SNRNP27: variants seen among roughly 807,000 people sequenced by gnomAD.
The protein encoded by SNRNP27 is small nuclear ribonucleoprotein U4/U6.U5 subunit 27, also known as U4/U6.U5 small nuclear ribonucleoprotein 27 kDa protein.
In SNRNP27, 22 loss-of-function variants were observed where a neutral mutation model predicts 25.1. The ratio of observed to expected loss-of-function variants is 0.88; its 90% confidence interval spans 0.63 to 1.25. The LOEUF (loss-of-function observed/expected upper bound fraction) is 1.25, where lower values mean the gene tolerates loss of function less well. SNRNP27 is among the 50% of genes most tolerant of loss of function. The probability of loss-of-function intolerance (pLI) is 0.00; values close to 1 mark genes in which losing one functional copy is unlikely to be tolerated. For synonymous variants in SNRNP27, 66 were observed against 64.9 expected (o/e 1.02, Z -0.08); for missense variants, 150 against 202.3 (o/e 0.74, Z 1.57).
intron 4 of SNRNP27, among the ~76,000 whole-genome samples, chr2:69,902,938 CTTTT>C (rs761833954): frequency 2.2e-5 from 2 of 92,410 alleles, no homozygotes; most frequent in Non-Finnish European, 3.9e-5. Context: ...TCTTCTTCTT[CTTTT>C]TTTTTTTTTT....
intron 5 of SNRNP27, 55 bp downstream of exon 5, chr2:69,903,300 A>G: frequency 8.2e-7 from 1 of 1,222,666 alleles, no homozygotes; most frequent in South Asian, 1.2e-5. Context: ...TTTTACTTCA[A>G]ACTTTATTAT....
intron 5 of SNRNP27, among the ~76,000 whole-genome samples, chr2:69,904,041 G>A (rs1280215047): frequency 6.6e-6 from 1 of 151,624 alleles, no homozygotes; most frequent in African/African-American, 2.4e-5. Flanking sequence ...CTTCAATACT[G>A]CTATCTGGAG....
intron 1 of SNRNP27, 23 bp from the exon 2 acceptor site, chr2:69,895,071 C>A: frequency 6.2e-7 from 1 of 1,611,216 alleles, no homozygotes; most frequent in Non-Finnish European, 8.5e-7. Flanking sequence ...ATCAGTTCTG[C>A]AATTTGTGTG....
intron 3 of SNRNP27, among the ~76,000 whole-genome samples, 165 bp downstream of exon 3, chr2:69,896,713 C>T (rs1676609287): frequency 6.7e-6 from 1 of 149,354 alleles, no homozygotes; most frequent in Non-Finnish European, 1.5e-5. Flanking sequence ...ATTCTTGTCA[C>T]TCAGACTGGA....
At chr2:69,895,015 A>G in intron 1 of SNRNP27, 79 bp from the exon 2 acceptor site, 2 of 1,577,000 alleles carry the variant, frequency 1.3e-6, no homozygotes, top group Non-Finnish European at 1.7e-6. Context: ...AATGGTTTGC[A>G]TTATTTTTCT....
intron 4 of SNRNP27, among the ~76,000 whole-genome samples, chr2:69,902,345 C>T (rs1039861471): frequency 2.0e-5 from 3 of 151,820 alleles, no homozygotes; most frequent in African/African-American, 7.3e-5. Flanking sequence ...GCTGCTGCTG[C>T]TGCTCTTGCT....
At chr2:69,899,336 G>C (rs147499531) in intron 4 of SNRNP27, among the ~76,000 whole-genome samples, 17 of 152,214 alleles carry the variant, frequency 1.1e-4, no homozygotes, top group African/African-American at 3.9e-4. Flanking sequence ...TTTCATCATT[G>C]ATCTATTGTG....
At position 69,903,167 on chromosome 2, in the gene SNRNP27, T is replaced by TA; in HGVS notation, c.349-14_349-13insA. The stretch of plus-strand genomic sequence containing the variant: ...TTCCTGTTTTTTGTCTGTTTGTTTA[T>TA]TGTTTTTCTTCAGGGTAAGAAGGTG... On this transcript the variant is annotated splice_polypyrimidine_tract_variant and intron_variant, in intron 4 of 5. Coordinates refer to ENST00000244227, the MANE Select transcript of SNRNP27 (RefSeq NM_006857.3). 6.2e-7 allele frequency: 1 copy of TA among 1,605,764 alleles called. No individual in the cohort carries two copies. Among genetic ancestry groups the TA allele is most frequent in the Non-Finnish European group, 8.5e-7 (1 of 1,172,452 alleles).
In SNRNP27 at chr2:69,894,019, G is replaced by A; in HGVS notation, c.34+1G>A. The A allele has an allele frequency of 6.2e-7, 1 of 1,613,748 alleles. No individual in the cohort carries two copies. Among genetic ancestry groups the A allele is most frequent in the Non-Finnish European group, 8.5e-7 (1 of 1,179,680 alleles). ...AGTCGCAGCCGCTCTCCACGGAGGG[G>A]TGAGTCCTGTAGCAATTCGGAGGAT... is the stretch of plus-strand genomic sequence containing the variant. On this transcript the variant is annotated splice_donor_variant, in intron 1 of 5. Transcript: ENST00000244227. LOFTEE classifies it high-confidence loss of function.
intron 2 of SNRNP27, 128 bp downstream of exon 2, chr2:69,895,342 C>A: frequency 8.7e-7 from 1 of 1,155,768 alleles, no homozygotes; most frequent in Non-Finnish European, 1.2e-6. Context: ...GAAACTTAAT[C>A]CAACCTTATT....
chr2:69,896,826 A>G (rs538433241), intron 3 of SNRNP27, among the ~76,000 whole-genome samples: 2 of 151,990 alleles, frequency 1.3e-5, no homozygotes, highest in Non-Finnish European at 2.9e-5. Context: ...GGCACCCGCC[A>G]CTATGCCCGG....
chr2:69,902,708 CTT>C (rs772539462), intron 4 of SNRNP27, among the ~76,000 whole-genome samples: 3 of 152,070 alleles, frequency 2.0e-5, no homozygotes, highest in African/African-American at 7.2e-5. Flanking sequence ...TCTTCTTCTG[CTT>C]CTGCTGCTGC....
chr2:69,904,363 A>G lies in SNRNP27; in HGVS notation c.*55A>G, dbSNP rs539578281. ...TCCCCTCATCTTGGTCAGAGAGTGG[A>G]TTTTGTATTTTGTATTTAACTTGCA... On this transcript the variant is annotated 3_prime_UTR_variant, in exon 6 of 6. Transcript: ENST00000244227. The G allele has an allele frequency of 2.4e-6, 3 of 1,240,924 alleles. No individual in the cohort carries two copies. In the South Asian group the frequency reaches 3.7e-5, roughly 15 times the overall value. 76.9% of individuals were successfully genotyped at this position (1,240,924 alleles called of 1,614,324 possible).
chr2:69,897,665 A>G (rs563158760), intron 4 of SNRNP27: 1 of 538,404 alleles, frequency 1.9e-6, no homozygotes, highest in Non-Finnish European at 3.3e-6. Context: ...TAGATTTTAA[A>G]GGACAAGTAG....
intron 4 of SNRNP27, among the ~76,000 whole-genome samples, chr2:69,902,909 T>A (rs1573391680): frequency 6.8e-6 from 1 of 147,298 alleles, no homozygotes; most frequent in Non-Finnish European, 1.5e-5. Context: ...TCCTTCCTCC[T>A]TCTTCCTTTC....
intron 2 of SNRNP27, 128 bp from the exon 3 acceptor site, chr2:69,896,308 C>A: frequency 1.2e-6 from 1 of 856,544 alleles, no homozygotes; most frequent in Non-Finnish European, 1.8e-6. Flanking sequence ...CTTGGCAGAA[C>A]CTTTTTCCTC....
At position 69,895,321 on chromosome 2, in the gene SNRNP27, C is replaced by G. The variant is rs568498147; in HGVS notation, c.155+107C>G. ...CGCTTATAAGGGGATTTACGGTTTC[C>G]TGAAATGGAGGAAACTTAATCCAAC... On this transcript the variant is annotated intron_variant, in intron 2 of 5. Coordinates refer to ENST00000244227, the MANE Select transcript of SNRNP27 (RefSeq NM_006857.3). 4 of 1,385,812 alleles carry G rather than the reference C, an allele frequency of 2.9e-6. No homozygotes were observed. In the East Asian group the frequency reaches 9.8e-5, roughly 34 times the overall value. The allele number at this position is 1,385,812 out of a possible 1,614,324, so 85.8% of individuals were successfully genotyped here. A position where few individuals can be genotyped will look rare whatever the true frequency, so the allele number is the denominator to read the frequency against.
intron 5 of SNRNP27, 134 bp from the exon 6 acceptor site, chr2:69,904,120 C>T: frequency 1.9e-6 from 1 of 533,918 alleles, no homozygotes; most frequent in East Asian, 3.2e-5. Context: ...CATTAAATTA[C>T]CTTGAATAGT....
chr2:69,895,298 C>T, intron 2 of SNRNP27, 84 bp downstream of exon 2: 1 of 1,498,340 alleles, frequency 6.7e-7, no homozygotes, highest in Admixed American at 2.2e-5. Flanking sequence ...GTTTTCATCG[C>T]TTATAAGGGG....
Sources: gnomAD v4.1 joint callset for allele counts (sites outside exome capture counted in the v4.1 genomes callset) on GRCh38, gnomAD v4.1.1 for gene constraint, MANE v1.5 for transcripts, NCBI Gene and HGNC (gene_info 2026-07-23, HGNC 2026-07-21) for gene names.